Variants in STXBP5L observed in about 807,000 individuals in gnomAD.
STXBP5L encodes the protein syntaxin-binding protein 5-like.
STXBP5L carries 65 observed loss-of-function variants against 144.5 expected under a neutral mutation model. The ratio of observed to expected loss-of-function variants is 0.45; its 90% CI spans 0.37 to 0.55. STXBP5L has a LOEUF of 0.55. Ranked by LOEUF, STXBP5L falls within the 20% of genes least tolerant of loss-of-function variation. The pLI is 0.00. For synonymous variants in STXBP5L, 505 were observed against 469.6 expected (o/e 1.08, Z -0.97); for missense variants, 1,298 against 1,405.5 (o/e 0.92, Z 1.22).
intron 16 of STXBP5L, among the ~76,000 whole-genome samples, chr3:121,256,533 G>A (rs2050210666): frequency 6.6e-6 from 1 of 151,738 alleles, no homozygotes; most frequent in Non-Finnish European, 1.5e-5. Context: ...TTTTTATCAA[G>A]TAATTCTGAT....
chr3:121,357,148 C>T (rs933282253), intron 20 of STXBP5L: 5 of 174,990 alleles, frequency 2.9e-5, no homozygotes, highest in Admixed American at 1.9e-4. Context: ...AGCACAATCA[C>T]AGGTACTGAC....
At chr3:121,201,225 TA>T (rs761806535) in intron 9 of STXBP5L, among the ~76,000 whole-genome samples, 1 of 152,232 alleles carries the variant, frequency 6.6e-6, no homozygotes, top group Non-Finnish European at 1.5e-5. Flanking sequence ...ATGTTTAGGA[TA>T]GTTAGCACTT....
chr3:121,309,357 A>AT (rs1476281325), intron 19 of STXBP5L, among the ~76,000 whole-genome samples: 4 of 152,126 alleles, frequency 2.6e-5, no homozygotes, highest in African/African-American at 7.2e-5. Flanking sequence ...TACTAATACC[A>AT]TTTAAAAAAA....
intron 5 of STXBP5L, among the ~76,000 whole-genome samples, chr3:121,108,637 T>G (rs1205782562): frequency 6.6e-6 from 1 of 152,204 alleles, no homozygotes; most frequent in African/African-American, 2.4e-5. Flanking sequence ...TTGAGGGTTT[T>G]TGCATTGATG....
At chr3:121,322,074 A>G (rs1274739075) in intron 20 of STXBP5L, among the ~76,000 whole-genome samples, 2 of 151,928 alleles carry the variant, frequency 1.3e-5, no homozygotes, top group Non-Finnish European at 2.9e-5. Context: ...TGAATACCCA[A>G]TGTTTAGCTC....
intron 17 of STXBP5L, among the ~76,000 whole-genome samples, chr3:121,258,476 T>C (rs1395213391): frequency 1.3e-5 from 2 of 152,188 alleles, no homozygotes; most frequent in East Asian, 1.9e-4. Flanking sequence ...GAAGGAAATA[T>C]GAGCAAATAT....
chr3:121,304,349 A>G (rs975922832), intron 19 of STXBP5L, among the ~76,000 whole-genome samples: 1 of 152,144 alleles, frequency 6.6e-6, no homozygotes, highest in Non-Finnish European at 1.5e-5. Flanking sequence ...TAAGATTATA[A>G]AAAACTAAAG....
At chr3:121,351,998 G>T (rs983538032) in intron 20 of STXBP5L, among the ~76,000 whole-genome samples, 6 of 152,062 alleles carry the variant, frequency 3.9e-5, no homozygotes, top group Admixed American at 3.9e-4. Context: ...GATTGTAGAT[G>T]TGTAGTGTTA....
chr3:121,397,532 G>C (rs371082523), intron 22 of STXBP5L, among the ~76,000 whole-genome samples: 1 of 152,164 alleles, frequency 6.6e-6, no homozygotes, highest in Non-Finnish European at 1.5e-5. Flanking sequence ...GGTTCTGGAC[G>C]CTTAACAATG....
At chr3:121,350,187 G>T (rs1236112851) in intron 20 of STXBP5L, among the ~76,000 whole-genome samples, 2 of 152,138 alleles carry the variant, frequency 1.3e-5, no homozygotes, top group African/African-American at 4.8e-5. Flanking sequence ...TTACTTGTCT[G>T]TAAAGGATCT....
intron 3 of STXBP5L, among the ~76,000 whole-genome samples, chr3:121,038,906 C>A (rs1946948116): frequency 1.3e-5 from 2 of 151,718 alleles, no homozygotes; most frequent in Admixed American, 1.3e-4. Context: ...ATATATCTTT[C>A]CACCTATATC....
chr3:121,025,948 T>C (rs955423141), intron 3 of STXBP5L, among the ~76,000 whole-genome samples: 2 of 142,556 alleles, frequency 1.4e-5, no homozygotes, highest in South Asian at 2.2e-4. Context: ...ATTATATCAA[T>C]ATATCATAAT....
chr3:121,142,306 A>G (rs1338723655), intron 7 of STXBP5L, among the ~76,000 whole-genome samples: 2 of 152,082 alleles, frequency 1.3e-5, no homozygotes, highest in Non-Finnish European at 2.9e-5. Flanking sequence ...CAATGCAATC[A>G]TAGTAAGAGA....
intron 3 of STXBP5L, among the ~76,000 whole-genome samples, chr3:120,983,294 G>A (rs1358847711): frequency 6.6e-6 from 1 of 152,084 alleles, no homozygotes; most frequent in East Asian, 1.9e-4. Flanking sequence ...GTCTGCCATG[G>A]CATATGTATA....
intron 20 of STXBP5L, among the ~76,000 whole-genome samples, chr3:121,323,105 A>G (rs2044029644): frequency 6.6e-6 from 1 of 152,106 alleles, no homozygotes; most frequent in Non-Finnish European, 1.5e-5. Flanking sequence ...ACTTAGTTGG[A>G]TGCGTAGGTT....
intron 7 of STXBP5L, among the ~76,000 whole-genome samples, chr3:121,139,274 G>T (rs375348299): frequency 3.5e-4 from 53 of 152,192 alleles, no homozygotes; most frequent in African/African-American, 1.2e-3. Context: ...GAATATTTAA[G>T]GTGATGGATA....
chr3:121,411,265 C>T (rs1279297641), intron 23 of STXBP5L, among the ~76,000 whole-genome samples: 1 of 152,038 alleles, frequency 6.6e-6, no homozygotes, highest in Non-Finnish European at 1.5e-5. Context: ...AGTCCAATAG[C>T]ACAGATTTCA....
intron 22 of STXBP5L, among the ~76,000 whole-genome samples, chr3:121,405,091 G>A (rs1560062120): frequency 6.6e-6 from 1 of 151,930 alleles, no homozygotes; most frequent in African/African-American, 2.4e-5. Flanking sequence ...CTTTTTAAAA[G>A]GACACTAATT....
intron 7 of STXBP5L, among the ~76,000 whole-genome samples, chr3:121,122,355 C>A (rs976386309): frequency 1.3e-5 from 2 of 150,988 alleles, no homozygotes; most frequent in African/African-American, 4.8e-5. Flanking sequence ...AAAATTGGAT[C>A]CCTTCAAATT....
Sources: gnomAD v4.1 joint callset for allele counts (sites outside exome capture counted in the v4.1 genomes callset) on GRCh38, gnomAD v4.1.1 for gene constraint, MANE v1.5 for transcripts, NCBI Gene and HGNC (gene_info 2026-07-23, HGNC 2026-07-21) for gene names.